Variants in EPCIP observed in about 807,000 individuals in gnomAD.
The protein encoded by EPCIP is exosomal polycystin 1 interacting protein.
At chr21:32,794,452 C>A in the EPCIP span, 29 of 1,588,312 alleles carry the variant, frequency 1.8e-5, no homozygotes, top group South Asian at 2.2e-5. Context: ...CGTGTTTATC[C>A]CCCCTCTTTT....
chr21:32,802,521 T>G, the EPCIP span, among the ~76,000 whole-genome samples: 1 of 152,192 alleles, frequency 6.6e-6, no homozygotes, highest in Non-Finnish European at 1.5e-5. Context: ...AAAACACTAG[T>G]CAGGACAGTG....
At chr21:32,791,315 A>G in the EPCIP span, 1 of 152,238 alleles carries the variant, frequency 6.6e-6, no homozygotes, top group Non-Finnish European at 1.5e-5. Flanking sequence ...CATATGTGAA[A>G]GGGCTTTGAA....
chr21:32,808,011 T>G, the EPCIP span, among the ~76,000 whole-genome samples: 1 of 152,226 alleles, frequency 6.6e-6, no homozygotes, highest in Non-Finnish European at 1.5e-5. Flanking sequence ...CCTTCCATCT[T>G]ATGCCACACA....
At chr21:32,794,112 G>T in the EPCIP span, 1 of 1,614,216 alleles carries the variant, frequency 6.2e-7, no homozygotes, top group Non-Finnish European at 8.5e-7. Context: ...CACAGGGAAA[G>T]CTTCAGGTCT....
the EPCIP span, among the ~76,000 whole-genome samples, chr21:32,800,975 A>G: frequency 1.3e-5 from 2 of 152,174 alleles, no homozygotes; most frequent in Non-Finnish European, 2.9e-5. Context: ...TGTGAATGCC[A>G]TGTTCTCCTC....
the EPCIP span, among the ~76,000 whole-genome samples, chr21:32,813,145 A>G: frequency 6.6e-6 from 1 of 152,182 alleles, no homozygotes; most frequent in Non-Finnish European, 1.5e-5. Flanking sequence ...TTGTGATCAC[A>G]ATAAGGAAAA....
chr21:32,796,516 T>G, the EPCIP span, among the ~76,000 whole-genome samples: 3 of 152,080 alleles, frequency 2.0e-5, no homozygotes, highest in East Asian at 3.9e-4. Context: ...GATAAGGCGG[T>G]TTAGAGTGCT....
chr21:32,808,728 T>C, the EPCIP span, among the ~76,000 whole-genome samples: 5 of 152,258 alleles, frequency 3.3e-5, no homozygotes, highest in Admixed American at 2.6e-4. Context: ...TATTTTATAA[T>C]AATAATGTGT....
the EPCIP span, among the ~76,000 whole-genome samples, chr21:32,803,284 C>T: frequency 1.3e-5 from 2 of 152,222 alleles, no homozygotes; most frequent in East Asian, 3.9e-4. Flanking sequence ...GGTATTTGCA[C>T]TGTAAGCCTT....
chr21:32,800,090 T>TA, the EPCIP span, among the ~76,000 whole-genome samples: 2 of 152,392 alleles, frequency 1.3e-5, no homozygotes, highest in South Asian at 2.1e-4. Flanking sequence ...TCTTTTGTGT[T>TA]AGGACTATAG....
chr21:32,793,143 G>C, the EPCIP span, among the ~76,000 whole-genome samples: 1 of 152,032 alleles, frequency 6.6e-6, no homozygotes, highest in Admixed American at 6.6e-5. Context: ...TTTTAGTAGA[G>C]ATGGGGTTTC....
the EPCIP span, chr21:32,794,079 C>A: frequency 1.2e-6 from 2 of 1,614,200 alleles, no homozygotes; most frequent in Non-Finnish European, 1.7e-6. Context: ...GCCAGGTATT[C>A]AGTGGGGAGA....
chr21:32,806,308 G>A, the EPCIP span, among the ~76,000 whole-genome samples: 1 of 152,188 alleles, frequency 6.6e-6, no homozygotes, highest in Non-Finnish European at 1.5e-5. Context: ...ACAGACTGGG[G>A]CTACCCCTGG....
the EPCIP span, among the ~76,000 whole-genome samples, chr21:32,802,130 A>T: frequency 1.3e-5 from 2 of 152,192 alleles, no homozygotes; most frequent in Non-Finnish European, 2.9e-5. Context: ...TTATGCTGGC[A>T]GTTACTTGGT....
At chr21:32,807,250 CATGACTATTTATATTATCCAA>C in the EPCIP span, among the ~76,000 whole-genome samples, 1,400 of 151,990 alleles carry the variant, frequency 9.2e-3, 32 homozygotes, top group African/African-American at 0.032. Flanking sequence ...AGGAGCACTC[CATGACTATTTATATTATCCAA>C]ATGAGTCCCT....
chr21:32,802,377 G>A, the EPCIP span, among the ~76,000 whole-genome samples: 1 of 152,150 alleles, frequency 6.6e-6, no homozygotes, highest in South Asian at 2.1e-4. Flanking sequence ...CCTCCTGTGA[G>A]GTAAGCTCCC....
the EPCIP span, among the ~76,000 whole-genome samples, chr21:32,806,830 A>C: frequency 3.9e-4 from 59 of 152,148 alleles, no homozygotes; most frequent in African/African-American, 1.3e-3. Flanking sequence ...GTCCATTTTC[A>C]TGCTGCTGAT....
the EPCIP span, chr21:32,813,651 G>T: frequency 2.1e-6 from 1 of 471,206 alleles, no homozygotes; most frequent in Non-Finnish European, 4.4e-6. Context: ...GCCTGGCCAC[G>T]GATCCTTCAC....
the EPCIP span, chr21:32,794,356 G>A: frequency 1.2e-6 from 2 of 1,614,130 alleles, no homozygotes; most frequent in African/African-American, 2.7e-5. Flanking sequence ...CTTTGGTGAA[G>A]CAGTTAAGTG....
Sources: allele counts gnomAD v4.1 joint callset (sites outside exome capture counted in the v4.1 genomes callset), GRCh38; gene constraint gnomAD v4.1.1; transcripts MANE v1.5; gene names NCBI Gene and HGNC (gene_info 2026-07-23, HGNC 2026-07-21).